Variants in DST observed in about 807,000 individuals in gnomAD.
The protein encoded by DST is bullous pemphigoid antigen.
Under a neutral mutation model 875.2 loss-of-function variants are expected in DST, and 253 were observed. The ratio of observed to expected loss-of-function variants is 0.29; its 90% CI spans 0.26 to 0.32. DST has a LOEUF of 0.32. DST is among the 10% of genes least tolerant of loss of function. DST has a pLI of 1.00. For synonymous variants in DST, 3,124 were observed against 3,197.1 expected (o/e 0.98, Z 0.77); for missense variants, 8,287 against 9,111.6 (o/e 0.91, Z 3.68).
chr6:56,772,131 C>T (rs2099667699), intron 4 of DST, among the ~76,000 whole-genome samples: 1 of 152,160 alleles, frequency 6.6e-6, no homozygotes, highest in Admixed American at 6.5e-5. Flanking sequence ...AGAAAGCTGA[C>T]ATGTCAAAAT....
At chr6:56,875,897 G>A (rs1467051342) in intron 3 of DST, among the ~76,000 whole-genome samples, 2 of 152,068 alleles carry the variant, frequency 1.3e-5, no homozygotes, top group Non-Finnish European at 2.9e-5. Context: ...ACTGCTGCCC[G>A]CCTAGTCAAC....
rs754875119 is a variant in DST at position 56,603,255 on chromosome 6, C to T, written c.11107G>A (p.Val3703Met). Residue 3703 changes from valine to methionine, a missense_variant, in exon 42 of 104, where the codon GTG becomes ATG. Coordinates refer to ENST00000680361, the MANE Select transcript of DST (RefSeq NM_001374736.1). Reference protein sequence around the residue: ...LKTAFSSLSNVSSERTKQIML... With the variant: ...LKTAFSSLSNMSSERTKQIML... ...ATCTGTTTCGTTCTTTCTGAAGACA[C>T]GTTGCTGAGGGAAGAGAAGGCGGTC... The T allele has an allele frequency of 1.1e-5, 18 of 1,608,296 alleles. No homozygotes were observed. Among genetic ancestry groups the T allele is most frequent in the South Asian group, 2.2e-5 (2 of 90,368 alleles).
At chr6:56,752,674 G>A (rs1589656077) in intron 4 of DST, among the ~76,000 whole-genome samples, 2 of 152,320 alleles carry the variant, frequency 1.3e-5, no homozygotes, top group Middle Eastern at 3.4e-3. Context: ...TGATTATGGA[G>A]AGGCATTTGA....
At chr6:56,706,765 C>T (rs2099341241) in intron 5 of DST, among the ~76,000 whole-genome samples, 1 of 152,092 alleles carries the variant, frequency 6.6e-6, no homozygotes, top group Admixed American at 6.5e-5. Flanking sequence ...ACTTTGGAGG[C>T]CAAGGTGGGC....
chr6:56,675,980 G>A (rs1003842250), intron 9 of DST, among the ~76,000 whole-genome samples: 28 of 152,256 alleles, frequency 1.8e-4, no homozygotes, highest in Middle Eastern at 6.8e-3. Flanking sequence ...ACTAAGCAGC[G>A]AAGAAATGCA....
intron 5 of DST, among the ~76,000 whole-genome samples, chr6:56,708,560 C>T (rs1170728598): frequency 7.2e-5 from 11 of 151,932 alleles, no homozygotes; most frequent in Admixed American, 4.6e-4. Context: ...TATCATTTTC[C>T]GAAAAGCAAA....
intron 32 of DST, among the ~76,000 whole-genome samples, chr6:56,628,485 T>A (rs2098752141): frequency 6.6e-6 from 1 of 152,204 alleles, no homozygotes; most frequent in South Asian, 2.1e-4. Context: ...TCTTGAATAG[T>A]AAGGCTTGCA....
At chr6:56,938,565 C>CA (rs1362884163) in intron 2 of DST, among the ~76,000 whole-genome samples, 1 of 152,148 alleles carries the variant, frequency 6.6e-6, no homozygotes, top group East Asian at 1.9e-4. Context: ...GGATAGCAGA[C>CA]AGTAGCAAAC....
intron 61 of DST, among the ~76,000 whole-genome samples, chr6:56,538,727 G>A (rs1380067373): frequency 6.6e-6 from 1 of 152,028 alleles, no homozygotes; most frequent in Non-Finnish European, 1.5e-5. Flanking sequence ...AATGTATATA[G>A]ACAATTTCCA....
chr6:56,897,355 G>A (rs60975519), intron 3 of DST, among the ~76,000 whole-genome samples: 1,563 of 150,060 alleles, frequency 0.01, 28 homozygotes, highest in African/African-American at 0.037. Context: ...TTTTTGAGAC[G>A]TAGTCTCACT....
At chr6:56,658,131 CG>C (rs751842179) in intron 10 of DST, among the ~76,000 whole-genome samples, 3 of 152,104 alleles carry the variant, frequency 2.0e-5, no homozygotes, top group Non-Finnish European at 2.9e-5. Flanking sequence ...GGCGCAATCT[CG>C]GCTCACTGCA....
intron 4 of DST, 45 bp downstream of exon 4, chr6:56,851,352 G>A (rs1311167571): frequency 3.2e-6 from 5 of 1,567,404 alleles, no homozygotes; most frequent in African/African-American, 1.4e-5. Flanking sequence ...GCGAATTTCC[G>A]CAACTCTCTT....
intron 2 of DST, among the ~76,000 whole-genome samples, chr6:56,941,295 T>C (rs62417378): frequency 0.051 from 7,819 of 152,284 alleles, 336 homozygotes; most frequent in East Asian, 0.16. Context: ...GGTTTCCTTA[T>C]TGATACATGA....
chr6:56,767,614 CAAATAAATAAATAAAT>C lies in DST; in HGVS notation c.626-32341_626-32326del, dbSNP rs148013834. On this transcript the variant is annotated intron_variant, in intron 4 of 103. Transcript: ENST00000680361. Reference sequence around the variant, plus strand: ...TGGGTGACAGAGCAAGACCCTGTCTCAAATAAATAAATAAATAAATAAATAAATAAATAAATAAATA... The same window carrying C: ...TGGGTGACAGAGCAAGACCCTGTCTCAAATAAATAAATAAATAAATAAATA... Among the ~76,000 whole-genome samples, 565 of 142,450 alleles carry C rather than the reference CAAATAAATAAATAAAT, an allele frequency of 4.0e-3. 6 individuals are homozygous for C. Among genetic ancestry groups the C allele is most frequent in the African/African-American group, 0.014 (521 of 38,182 alleles). The allele number at this position is 142,450 out of a possible 152,430, so 93.5% of individuals were successfully genotyped here. A position where few individuals can be genotyped will look rare whatever the true frequency, so the allele number is the denominator to read the frequency against.
At chr6:56,522,624 T>A (rs758464602) in intron 69 of DST, among the ~76,000 whole-genome samples, 7 of 152,008 alleles carry the variant, frequency 4.6e-5, no homozygotes, top group Admixed American at 6.6e-5. Context: ...AATAAACAGG[T>A]GATATTTTTC....
chr6:56,639,050 G>C lies in DST; in HGVS notation c.2964+209C>G. On this transcript the variant is annotated intron_variant, in intron 22 of 103. Transcript: ENST00000680361. Reference sequence around the variant, plus strand: ...ATACATCTTCTCAGCCACAGAGGCTGACAAGGGTACTTTTATTCTAAGTGA... The same window carrying C: ...ATACATCTTCTCAGCCACAGAGGCTCACAAGGGTACTTTTATTCTAAGTGA... 5.0e-6 allele frequency: 3 copies of C among 603,944 alleles called. No homozygotes were observed. In the South Asian group the frequency reaches 5.9e-5, roughly 12 times the overall value. 37.4% of individuals were successfully genotyped at this position (603,944 alleles called of 1,614,324 possible).
chr6:56,826,891 T>C (rs2099781134), intron 4 of DST, among the ~76,000 whole-genome samples: 1 of 152,190 alleles, frequency 6.6e-6, no homozygotes, highest in Non-Finnish European at 1.5e-5. Context: ...CAGTAACAAG[T>C]CACATTCTCA....
At chr6:56,569,607 G>C (rs2097750471) in intron 54 of DST, among the ~76,000 whole-genome samples, 1 of 152,098 alleles carries the variant, frequency 6.6e-6, no homozygotes, top group Non-Finnish European at 1.5e-5. Context: ...AAGGAAACTT[G>C]ATTACTAGAA....
intron 5 of DST, among the ~76,000 whole-genome samples, chr6:56,712,825 C>A (rs927983423): frequency 6.6e-6 from 1 of 152,052 alleles, no homozygotes; most frequent in East Asian, 1.9e-4. Flanking sequence ...ATATCATGAT[C>A]AAAATTCACA....
Sources: gnomAD v4.1 joint callset for allele counts (sites outside exome capture counted in the v4.1 genomes callset) on GRCh38, gnomAD v4.1.1 for gene constraint, MANE v1.5 for transcripts, NCBI Gene and HGNC (gene_info 2026-07-23, HGNC 2026-07-21) for gene names.